ARHGAP39: variants seen among roughly 807,000 people sequenced by gnomAD.
The protein encoded by ARHGAP39 is rho GTPase-activating protein 39.
Under a neutral mutation model 106.9 loss-of-function variants are expected in ARHGAP39, and 44 were observed. The observed-to-expected ratio is 0.41, with a 90% CI of 0.32 to 0.53. The LOEUF is 0.53. Ranked by LOEUF, ARHGAP39 falls within the 20% of genes least tolerant of loss-of-function variation. The probability of loss-of-function intolerance (pLI) is 0.21; values close to 1 mark genes in which losing one functional copy is unlikely to be tolerated. For missense variants in ARHGAP39, 1,496 were observed against 1,577.3 expected (o/e 0.95, Z 0.87); for synonymous variants, 768 against 693.2 (o/e 1.11, Z -1.69).
At chr8:144,669,701 T>C (rs1311774515) in intron 1 of ARHGAP39, among the ~76,000 whole-genome samples, 4 of 151,990 alleles carry the variant, frequency 2.6e-5, no homozygotes, top group East Asian at 3.9e-4. Context: ...ATTTGAAAAA[T>C]GGGACAGGAT....
In ARHGAP39 at chr8:144,534,007, C is replaced by G. The variant is rs181473369; in HGVS notation, c.2688+122G>C. On this transcript the variant is annotated intron_variant, in intron 8 of 11. Coordinates refer to ENST00000377307, the MANE Select transcript of ARHGAP39 (RefSeq NM_025251.3). ...GTACCCCGCCACCCGCCTAGGCGGG[C>G]TCCATGTGGCACCCTCTGCGCTGCT... 131 of 1,122,718 alleles carry G rather than the reference C, an allele frequency of 1.2e-4. No individual in the cohort carries two copies. In the African/African-American group the frequency reaches 1.8e-3, roughly 15 times the overall value. The allele number at this position is 1,122,718 out of a possible 1,614,324, so 69.5% of individuals were successfully genotyped here.
At position 144,547,084 on chromosome 8, in the gene ARHGAP39, G is replaced by A. The variant is rs754712362; in HGVS notation, c.1959+43C>T. ...CCACGGGGTCCACTCTGACTGGGCT[G>A]GCCCCAGGCTCTCAAGCTCAGCCGC... On this transcript the variant is annotated intron_variant, in intron 5 of 11. Transcript: ENST00000377307. This position sits in a 1 kb window ranked among gnomAD's most constrained non-coding sequence, Gnocchi z 5.2. 1 of 1,514,566 alleles carries A rather than the reference G, an allele frequency of 6.6e-7. No homozygotes were observed. The highest frequency in any genetic ancestry group is 8.8e-7 in the Non-Finnish European group (1 of 1,131,716). The allele number at this position is 1,514,566 out of a possible 1,614,324, so 93.8% of individuals were successfully genotyped here.
chr8:144,555,080 G>A (rs968935643), intron 4 of ARHGAP39, among the ~76,000 whole-genome samples: 1 of 152,236 alleles, frequency 6.6e-6, no homozygotes, highest in African/African-American at 2.4e-5. Flanking sequence ...GGAGCGTCCT[G>A]CCCGCCCAGC....
intron 3 of ARHGAP39, among the ~76,000 whole-genome samples, chr8:144,567,081 T>C (rs559864035): frequency 6.6e-6 from 1 of 152,128 alleles, no homozygotes; most frequent in Non-Finnish European, 1.5e-5. Context: ...GCCACCCAGG[T>C]GCTGAGGCAA....
chr8:144,618,535 T>C (rs1182406296), intron 1 of ARHGAP39, among the ~76,000 whole-genome samples: 2 of 152,146 alleles, frequency 1.3e-5, no homozygotes, highest in Admixed American at 6.5e-5. Context: ...GAGGTGGGGG[T>C]TGCTGCCTGC....
At chr8:144,624,021 G>A (rs1194629738) in intron 1 of ARHGAP39, among the ~76,000 whole-genome samples, 1 of 152,234 alleles carries the variant, frequency 6.6e-6, no homozygotes, top group Non-Finnish European at 1.5e-5. Flanking sequence ...CTGGAGAGCT[G>A]ACGGAGCAGC....
At chr8:144,537,015 C>T (rs907189779) in intron 7 of ARHGAP39, among the ~76,000 whole-genome samples, 2 of 152,178 alleles carry the variant, frequency 1.3e-5, no homozygotes, top group Non-Finnish European at 1.5e-5. Flanking sequence ...CTGCAGGGGT[C>T]GGGAGGACGG....
chr8:144,644,620 G>C lies in ARHGAP39; in HGVS notation c.-81-38925C>G, dbSNP rs1821398239. Among the ~76,000 whole-genome samples the C allele has an allele frequency of 6.6e-6, 1 of 152,204 alleles. No individual in the cohort carries two copies. The highest frequency in any genetic ancestry group is 1.5e-5 in the Non-Finnish European group (1 of 68,036). On this transcript the variant is annotated intron_variant, in intron 1 of 11. Transcript: ENST00000377307. This position sits in a 1 kb window ranked among gnomAD's most constrained non-coding sequence, Gnocchi z 4.8. Reference sequence around the variant, plus strand: ...CTTCCGGCTTCCACCATGCATTTCTGAGCTCTGAGTCACTTGAAGCGGCAT... The same window carrying C: ...CTTCCGGCTTCCACCATGCATTTCTCAGCTCTGAGTCACTTGAAGCGGCAT...
At chr8:144,663,643 C>T (rs1028066381) in intron 1 of ARHGAP39, among the ~76,000 whole-genome samples, 6 of 152,166 alleles carry the variant, frequency 3.9e-5, no homozygotes, top group African/African-American at 1.4e-4. Flanking sequence ...GCCCCAGGTA[C>T]CCTCTCCAGC....
intron 3 of ARHGAP39, among the ~76,000 whole-genome samples, chr8:144,564,325 T>C (rs1424901927): frequency 6.6e-6 from 1 of 152,230 alleles, no homozygotes; most frequent in Non-Finnish European, 1.5e-5. Context: ...GCACACCAAA[T>C]GCTCTTCCGT....
upstream of ARHGAP39, among the ~76,000 whole-genome samples, chr8:144,690,654 T>C (rs1822723995): frequency 6.6e-6 from 1 of 151,950 alleles, no homozygotes; most frequent in Admixed American, 6.6e-5. Context: ...CCTTTTTTTT[T>C]TTTCCCTTGA....
At chr8:144,628,735 C>A (rs549886508) in intron 1 of ARHGAP39, among the ~76,000 whole-genome samples, 4 of 152,338 alleles carry the variant, frequency 2.6e-5, no homozygotes, top group Non-Finnish European at 5.9e-5. Flanking sequence ...AGAACTACCC[C>A]AGGCTGCTGA....
At chr8:144,622,781 G>A (rs556357211) in intron 1 of ARHGAP39, among the ~76,000 whole-genome samples, 7 of 152,274 alleles carry the variant, frequency 4.6e-5, no homozygotes, top group Non-Finnish European at 1.0e-4. Flanking sequence ...GCAGGAACCT[G>A]GAAAAAGGAA....
At chr8:144,655,511 C>T (rs1413991582) in intron 1 of ARHGAP39, among the ~76,000 whole-genome samples, 2 of 152,020 alleles carry the variant, frequency 1.3e-5, no homozygotes, top group South Asian at 4.1e-4. Context: ...CACTCCAGGG[C>T]CTCCTCTCTG....
At chr8:144,549,322 C>A (rs922593517) in intron 4 of ARHGAP39, among the ~76,000 whole-genome samples, 1 of 152,260 alleles carries the variant, frequency 6.6e-6, no homozygotes, top group African/African-American at 2.4e-5. Flanking sequence ...GGGGCCCCTC[C>A]ACCACCTTCT....
rs190771802 is a variant in ARHGAP39, at chr8:144,624,218, G to T, written c.-81-18523C>A. 1.5e-3 allele frequency among the ~76,000 whole-genome samples: 221 copies of T among 152,354 alleles called. 1 individual carries two copies. The Middle Eastern group carries it at 0.017, about 12-fold the overall frequency. ...CCATGTTAGCCCCAGTGACTTGGCC[G>T]TGCCGACAGCCATGACGAGCGCCCT... On this transcript the variant is annotated intron_variant, in intron 1 of 11. Coordinates refer to ENST00000377307, the MANE Select transcript of ARHGAP39 (RefSeq NM_025251.3).
intron 1 of ARHGAP39, among the ~76,000 whole-genome samples, chr8:144,667,184 C>A (rs916065208): frequency 6.6e-6 from 1 of 152,170 alleles, no homozygotes; most frequent in African/African-American, 2.4e-5. Context: ...CCCACCCGCA[C>A]CCCCATTGCC....
At position 144,580,898 on chromosome 8, in the gene ARHGAP39, C is replaced by T. The variant is rs906206777; in HGVS notation, c.460G>A (p.Ala154Thr). The T allele has an allele frequency of 6.3e-6, 10 of 1,597,232 alleles. No individual in the cohort carries two copies. Among genetic ancestry groups the T allele is most frequent in the African/African-American group, 1.3e-5 (1 of 74,594 alleles). The part of the protein sequence containing the change: ...PDTEKAQELP[A>T]RAGRPAAFGT... ...AACGCCGCGGGCCGCCCGGCCCTCG[C>T]TGGCAACTCCTGCGCTTTCTCAGTG... is the stretch of plus-strand genomic sequence containing the variant. The change falls in exon 3 of 12, where the codon GCG (alanine) becomes ACG (threonine). Residue 154 changes from alanine to threonine, a missense_variant. Coordinates refer to ENST00000377307, the MANE Select transcript of ARHGAP39 (RefSeq NM_025251.3).
At position 144,622,728 on chromosome 8, in the gene ARHGAP39, G is replaced by A. The variant is rs556966981; in HGVS notation, c.-81-17033C>T. Among the ~76,000 whole-genome samples, 3 of 152,356 alleles carry A rather than the reference G, an allele frequency of 2.0e-5. No individual in the cohort carries two copies. The South Asian group carries it at 6.2e-4, about 32-fold the overall frequency. On this transcript the variant is annotated intron_variant, in intron 1 of 11. Coordinates refer to ENST00000377307, the MANE Select transcript of ARHGAP39 (RefSeq NM_025251.3). ...AACTTTAAAAATCTATCACTGGGTT[G>A]GCAAGAACGTTCAGAACCTTAGAGA...
Sources: allele counts gnomAD v4.1 joint callset (sites outside exome capture counted in the v4.1 genomes callset), GRCh38; gene constraint gnomAD v4.1.1; non-coding constraint Gnocchi (gnomAD v3.1); transcripts MANE v1.5; gene names NCBI Gene and HGNC (gene_info 2026-07-23, HGNC 2026-07-21).